Variants in CLCA1 observed in about 807,000 individuals in gnomAD.
CLCA1 encodes the protein calcium-activated chloride channel regulator 1.
A neutral mutation model predicts 85.6 loss-of-function variants in CLCA1; 59 were observed. The observed-to-expected ratio is 0.69, with a 90% CI of 0.56 to 0.86. The LOEUF (loss-of-function observed/expected upper bound fraction) is 0.86, where lower values mean the gene tolerates loss of function less well. Ranked by LOEUF, CLCA1 falls within the 40% of genes least tolerant of loss-of-function variation. CLCA1 has a pLI of 0.00. For synonymous variants in CLCA1, 396 were observed against 398.3 expected (o/e 0.99, Z 0.07); for missense variants, 1,022 against 1,101.4 (o/e 0.93, Z 1.02).
At chr1:86,498,924 G>A in intron 13 of CLCA1, 113 bp downstream of exon 13, 2 of 1,138,202 alleles carry the variant, frequency 1.8e-6, no homozygotes, top group Non-Finnish European at 2.5e-6. Flanking sequence ...AAGGCAGGAG[G>A]GATCTTGCCG....
chr1:86,484,641 G>C (rs1647913278), intron 5 of CLCA1, among the ~76,000 whole-genome samples: 1 of 152,360 alleles, frequency 6.6e-6, no homozygotes, highest in South Asian at 2.1e-4. Context: ...GCAATCGTCT[G>C]AGGGAGGGAC....
chr1:86,483,780 G>A (rs1390479256), intron 5 of CLCA1, among the ~76,000 whole-genome samples: 1 of 152,074 alleles, frequency 6.6e-6, no homozygotes, highest in Non-Finnish European at 1.5e-5. Flanking sequence ...TAAATTTTGA[G>A]GAAGCAAAAT....
intron 1 of CLCA1, among the ~76,000 whole-genome samples, chr1:86,472,309 C>T (rs190187245): frequency 9.8e-5 from 15 of 152,330 alleles, no homozygotes; most frequent in African/African-American, 3.6e-4. Flanking sequence ...GAAGTGATGG[C>T]TCAGCAGTGC....
At chr1:86,492,936 T>C (rs1049375835) in intron 9 of CLCA1, among the ~76,000 whole-genome samples, 2 of 152,158 alleles carry the variant, frequency 1.3e-5, no homozygotes, top group African/African-American at 4.8e-5. Flanking sequence ...AATAAAATCC[T>C]ATAGGAGATC....
chr1:86,481,860 G>T (rs1327231437), intron 4 of CLCA1, among the ~76,000 whole-genome samples: 1 of 152,136 alleles, frequency 6.6e-6, no homozygotes, highest in East Asian at 1.9e-4. Flanking sequence ...AATCTTTTGT[G>T]GGAAATAAAA....
In CLCA1 at chr1:86,485,429, A is replaced by G; in HGVS notation, c.822A>G (p.Glu274=). The change falls in exon 6 of 14, where the codon GAA becomes GAG. Residue 274 remains glutamate, a synonymous_variant. Coordinates refer to ENST00000394711, the MANE Select transcript of CLCA1 (RefSeq NM_001285.4). ...NQKCNLRSTW[E]VIRDSEDFKK... is the part of the protein sequence containing the mutation. ...AATGCAATCTCCGAAGCACATGGGA[A>G]GTGATCCGTGATTCTGAGGACTTTA... The G allele has an allele frequency of 6.2e-7, 1 of 1,614,194 alleles. No homozygotes were observed. The highest frequency in any genetic ancestry group is 8.5e-7 in the Non-Finnish European group (1 of 1,179,996).
At chr1:86,483,858 A>G (rs1647885301) in intron 5 of CLCA1, among the ~76,000 whole-genome samples, 3 of 152,178 alleles carry the variant, frequency 2.0e-5, no homozygotes, top group Admixed American at 2.0e-4. Context: ...ACTATATCTA[A>G]GACTGGATAA....
chr1:86,498,926 A>G, intron 13 of CLCA1, 115 bp downstream of exon 13: 2 of 1,144,024 alleles, frequency 1.7e-6, no homozygotes, highest in Non-Finnish European at 2.5e-6. Context: ...GGCAGGAGGG[A>G]TCTTGCCGGT....
chr1:86,487,072 A>G lies in CLCA1; in HGVS notation c.1182+319A>G, dbSNP rs200685761. Among the ~76,000 whole-genome samples, 4 of 152,334 alleles carry G rather than the reference A, an allele frequency of 2.6e-5. No homozygotes were observed. The East Asian group carries it at 7.7e-4, about 29-fold the overall frequency. On this transcript the variant is annotated intron_variant, in intron 7 of 13. Coordinates refer to ENST00000394711, the MANE Select transcript of CLCA1 (RefSeq NM_001285.4). The stretch of plus-strand genomic sequence containing the variant: ...CAGGAATATGTAGTTTCCAGCTCAC[A>G]TGGCCTGATGTGGACAATGGGCTTG...
chr1:86,494,157 A>T (rs1434371024), intron 10 of CLCA1, 30 bp from the exon 11 acceptor site: 1 of 1,610,952 alleles, frequency 6.2e-7, no homozygotes, highest in African/African-American at 1.3e-5. Context: ...GAAGTTATTC[A>T]TTGGAAATGT....
intron 7 of CLCA1, among the ~76,000 whole-genome samples, chr1:86,487,370 G>A (rs752788086): frequency 1.3e-5 from 2 of 151,778 alleles, no homozygotes; most frequent in Non-Finnish European, 2.9e-5. Context: ...CAGATGGCGT[G>A]GTGGTGAAGA....
chr1:86,498,679 G>C lies in CLCA1; in HGVS notation c.2221G>C (p.Asp741His), dbSNP rs778427879. Residue 741 changes from aspartate (D) to histidine (H), a missense_variant, in exon 13 of 14, where the codon GAT (aspartate) becomes CAT (histidine). Coordinates refer to ENST00000394711, the MANE Select transcript of CLCA1 (RefSeq NM_001285.4). ...TSSGGSFVAS[D>H]VPNAPIPDLF... Reference sequence around the variant, plus strand: ...CTCGGGAGGCTCATTTGTGGCTTCTGATGTCCCAAATGCTCCCATACCTGA... The same window carrying C: ...CTCGGGAGGCTCATTTGTGGCTTCTCATGTCCCAAATGCTCCCATACCTGA... The C allele has an allele frequency of 1.9e-6, 3 of 1,614,050 alleles. No homozygotes were observed. In the South Asian group the frequency reaches 3.3e-5, roughly 18 times the overall value.
chr1:86,478,776 T>C (rs909661611), intron 4 of CLCA1, among the ~76,000 whole-genome samples: 22 of 152,240 alleles, frequency 1.4e-4, no homozygotes, highest in African/African-American at 5.3e-4. Context: ...GATCGCCATG[T>C]CCTCTTTAAA....
Position 86,485,375 on chromosome 1 carries a change from C to T in CLCA1, c.768C>T (p.Asn256=). 6.2e-7 allele frequency: 1 copy of T among 1,614,032 alleles called. No individual in the cohort carries two copies. The highest frequency in any genetic ancestry group is 8.5e-7 in the Non-Finnish European group (1 of 1,179,928). Residue 256 remains asparagine, a synonymous_variant, in exon 6 of 14, where the codon AAC becomes AAT. Transcript: ENST00000394711. Reference sequence around the variant, plus strand: ...AATTCTGTACAGAACAAAACCACAACAAAGAAGCTCCAAACAAGCAAAATC... The same window carrying T: ...AATTCTGTACAGAACAAAACCACAATAAAGAAGCTCCAAACAAGCAAAATC... The part of the protein sequence containing the change: ...IVEFCTEQNH[N]KEAPNKQNQK...
chr1:86,484,508 A>G (rs979047636), intron 5 of CLCA1, among the ~76,000 whole-genome samples: 7 of 152,184 alleles, frequency 4.6e-5, no homozygotes, highest in Admixed American at 4.6e-4. Context: ...TGCCATTGGT[A>G]TATGAAGAGT....
chr1:86,473,597 C>T (rs774325962), intron 2 of CLCA1, 40 bp downstream of exon 2: 1 of 1,527,210 alleles, frequency 6.5e-7, no homozygotes, highest in Non-Finnish European at 8.9e-7. Context: ...CCACTTTCTC[C>T]TGTAACCAAG....
intron 5 of CLCA1, among the ~76,000 whole-genome samples, chr1:86,484,818 G>C (rs569243308): frequency 6.7e-6 from 1 of 149,308 alleles, no homozygotes; most frequent in Non-Finnish European, 1.5e-5. Flanking sequence ...CATCAAGTTA[G>C]GAAATACCTG....
chr1:86,484,244 A>G (rs1647899696), intron 5 of CLCA1, among the ~76,000 whole-genome samples: 1 of 152,190 alleles, frequency 6.6e-6, no homozygotes, highest in South Asian at 2.1e-4. Flanking sequence ...TTTCTACAAG[A>G]TATCGTGAAG....
At chr1:86,487,391 G>T (rs1175362801) in intron 7 of CLCA1, among the ~76,000 whole-genome samples, 1 of 152,164 alleles carries the variant, frequency 6.6e-6, no homozygotes, top group Non-Finnish European at 1.5e-5. Flanking sequence ...GAGAACCTCT[G>T]ATTCTGCATC....
Sources: gnomAD v4.1 joint callset for allele counts (sites outside exome capture counted in the v4.1 genomes callset) on GRCh38, gnomAD v4.1.1 for gene constraint, MANE v1.5 for transcripts, NCBI Gene and HGNC (gene_info 2026-07-23, HGNC 2026-07-21) for gene names.